Variants in AKT1 observed in about 807,000 individuals in gnomAD.
AKT1 encodes the protein RAC-alpha serine/threonine-protein kinase.
A neutral mutation model predicts 63.1 loss-of-function variants in AKT1; 21 were observed. That is an observed-to-expected ratio of 0.33 (90% CI 0.24 to 0.48). The LOEUF (loss-of-function observed/expected upper bound fraction) is 0.48, where lower values mean the gene tolerates loss of function less well. Among genes scored for constraint, AKT1 ranks in the 20% least tolerant of loss-of-function variants. The probability of loss-of-function intolerance (pLI) is 0.99; values close to 1 mark genes in which losing one functional copy is unlikely to be tolerated. For missense variants in AKT1, 382 were observed against 666.0 expected (o/e 0.57, Z 4.69); for synonymous variants, 257 against 253.1 (o/e 1.02, Z -0.15).
Position 104,770,326 on chromosome 14 carries a change from C to T in AKT1, c.*15G>A. The T allele has an allele frequency of 1.2e-6, 2 of 1,605,410 alleles. No homozygotes were observed. Among genetic ancestry groups the T allele is most frequent in the Non-Finnish European group, 8.5e-7 (1 of 1,177,820 alleles). ...CATCCCTCCAAGCTATCGTCCAGCG[C>T]AGTCCACCGCCGCCTCAGGCCGTGC... On this transcript the variant is annotated 3_prime_UTR_variant, in exon 15 of 15. Coordinates refer to ENST00000649815, the MANE Select transcript of AKT1 (RefSeq NM_001382430.1).
At chr14:104,772,158 G>A in intron 13 of AKT1, 1 of 613,218 alleles carries the variant, frequency 1.6e-6, no homozygotes, top group South Asian at 1.9e-5. Context: ...GACCAGGCCA[G>A]TTTCCTGGTG....
intron 3 of AKT1, among the ~76,000 whole-genome samples, chr14:104,782,974 G>A (rs141066976): frequency 5.3e-5 from 8 of 152,284 alleles, no homozygotes; most frequent in Non-Finnish European, 1.0e-4. Flanking sequence ...GGCCAGCCCC[G>A]ACAGCAGATG....
chr14:104,791,068 T>C (rs1177232721), intron 3 of AKT1, among the ~76,000 whole-genome samples: 1 of 152,164 alleles, frequency 6.6e-6, no homozygotes, highest in African/African-American at 2.4e-5. Context: ...CACTCCTGCC[T>C]AGGCCCAGCT....
chr14:104,773,428 T>C (rs1892511568), intron 10 of AKT1, 27 bp downstream of exon 10: 7 of 1,613,870 alleles, frequency 4.3e-6, no homozygotes, highest in South Asian at 1.1e-5. Flanking sequence ...CCCAGGGCCC[T>C]GCCCCCCTGC....
At chr14:104,775,253 C>A (rs1385558523) in intron 6 of AKT1, 46 bp from the exon 7 acceptor site, 2 of 1,608,398 alleles carry the variant, frequency 1.2e-6, no homozygotes, top group Non-Finnish European at 1.7e-6. Flanking sequence ...CCAACAGTGC[C>A]CAGCTGGTCG....
chr14:104,792,411 G>A (rs1193624391), intron 3 of AKT1, among the ~76,000 whole-genome samples, 187 bp downstream of exon 3: 2 of 152,088 alleles, frequency 1.3e-5, no homozygotes, highest in South Asian at 2.1e-4. Flanking sequence ...CATCCTCCTG[G>A]CCTCCCCGAG....
chr14:104,780,279 C>T (rs1209805910), intron 3 of AKT1, 63 bp from the exon 4 acceptor site: 24 of 1,586,788 alleles, frequency 1.5e-5, no homozygotes, highest in Non-Finnish European at 1.7e-5. Flanking sequence ...GCCAGGCAGC[C>T]AGGCAGGAAC....
chr14:104,773,786 C>T, intron 9 of AKT1, 126 bp downstream of exon 9: 1 of 1,213,080 alleles, frequency 8.2e-7, no homozygotes, highest in Non-Finnish European at 1.2e-6. Context: ...GCAGGCATCA[C>T]ACCACCCACC....
rs1208265801 is a variant in AKT1 at position 104,769,600 on chromosome 14, G to A, written c.*741C>T. Reference sequence around the variant, plus strand: ...CCGTGGAGAGATCATCTGAGGGGGAGGCTCCCGGTGGGACAGTCACCAAGA... The same window carrying A: ...CCGTGGAGAGATCATCTGAGGGGGAAGCTCCCGGTGGGACAGTCACCAAGA... On this transcript the variant is annotated 3_prime_UTR_variant, in exon 15 of 15. Transcript: ENST00000649815. The A allele has an allele frequency of 7.5e-6, 4 of 530,250 alleles. No individual in the cohort carries two copies. The highest frequency in any genetic ancestry group is 5.6e-5 in the African/African-American group (3 of 53,348). The allele number at this position is 530,250 out of a possible 1,614,324, so 32.8% of individuals were successfully genotyped here. A position where few individuals can be genotyped will look rare whatever the true frequency, so the allele number is the denominator to read the frequency against.
chr14:104,775,726 G>A lies in AKT1; in HGVS notation c.361C>T (p.Arg121Trp), dbSNP rs369198922. 8.7e-6 allele frequency: 14 copies of A among 1,613,944 alleles called. No individual in the cohort carries two copies. The highest frequency in any genetic ancestry group is 6.7e-5 in the East Asian group (3 of 44,886). Residue 121 changes from arginine to tryptophan, a missense_variant, in exon 6 of 15, where the codon CGG becomes TGG. Arg to Trp is a moderately radical substitution (Grantham distance 101). Transcript: ENST00000649815. ...GAGTTGTCACTGGGTGAGCCCGACC[G>A]GAAGTCCATCTCCTCCTCCTCCTGC... ...KKQEEEEMDF[R>W]SGSPSDNSGA...
chr14:104,786,537 G>C (rs897490940), intron 3 of AKT1, among the ~76,000 whole-genome samples: 1 of 152,180 alleles, frequency 6.6e-6, no homozygotes, highest in Non-Finnish European at 1.5e-5. Context: ...CTCAATCCCT[G>C]ACACCCCAGG....
chr14:104,772,958 C>T lies in AKT1; in HGVS notation c.1092G>A (p.Glu364=), dbSNP rs773975370. The T allele has an allele frequency of 1.9e-6, 3 of 1,614,032 alleles. No individual in the cohort carries two copies. Among genetic ancestry groups the T allele is most frequent in the Non-Finnish European group, 1.7e-6 (2 of 1,180,032 alleles). The change falls in exon 12 of 15, where the codon GAG becomes GAA. Residue 364 remains glutamate (E), a synonymous_variant. Transcript: ENST00000649815. ...HEKLFELILM[E]EIRFPRTLGP... ...CAAGCGTGCGCGGGAAGCGGATCTC[C>T]TCCATGAGGATGAGCTCAAAAAGCT...
chr14:104,785,201 C>A (rs1372141059), intron 3 of AKT1, among the ~76,000 whole-genome samples: 1 of 152,168 alleles, frequency 6.6e-6, no homozygotes, highest in Non-Finnish European at 1.5e-5. Flanking sequence ...GAGGGGCCCG[C>A]AACCCACCCT....
Position 104,769,790 on chromosome 14 carries a change from G to T in AKT1, c.*551C>A. The T allele has an allele frequency of 2.6e-6, 1 of 386,280 alleles. No individual in the cohort carries two copies. The highest frequency in any genetic ancestry group is 2.4e-5 in the South Asian group (1 of 41,604). 23.9% of individuals were successfully genotyped at this position (386,280 alleles called of 1,614,324 possible). ...CCCCATCCCTGGTCCCATCCCAGGG[G>T]CCCAGCCTCCGATGACGTCCTCAGA... On this transcript the variant is annotated 3_prime_UTR_variant, in exon 15 of 15. Transcript: ENST00000649815.
chr14:104,774,801 C>A, intron 8 of AKT1, 137 bp downstream of exon 8: 3 of 962,100 alleles, frequency 3.1e-6, no homozygotes, highest in East Asian at 2.6e-5. Flanking sequence ...CCAGGGCAGG[C>A]CTGTCTCACC....
At chr14:104,780,331 A>G (rs1004006561) in intron 3 of AKT1, 115 bp from the exon 4 acceptor site, 13 of 1,415,152 alleles carry the variant, frequency 9.2e-6, no homozygotes, top group Non-Finnish European at 1.2e-5. Flanking sequence ...CCTGAGTCCC[A>G]GGGGGCAGGC....
intron 8 of AKT1, chr14:104,774,450 G>A (rs1387004781): frequency 4.5e-6 from 1 of 221,500 alleles, no homozygotes; most frequent in East Asian, 1.1e-4. Flanking sequence ...CCACCCTCCC[G>A]CCTTCCACCA....
At chr14:104,792,838 T>G (rs374188865) in intron 2 of AKT1, 116 bp from the exon 3 acceptor site, 1 of 650,518 alleles carries the variant, frequency 1.5e-6, no homozygotes. Flanking sequence ...GCACCTGCCT[T>G]CCCAGGTGGG....
intron 3 of AKT1, among the ~76,000 whole-genome samples, chr14:104,784,408 G>A (rs558612575): frequency 3.3e-5 from 5 of 152,066 alleles, no homozygotes; most frequent in Admixed American, 6.5e-5. Flanking sequence ...TGCCCGGGGG[G>A]ACAGCGGAGA....
Sources: gnomAD v4.1 joint callset for allele counts (sites outside exome capture counted in the v4.1 genomes callset) on GRCh38, gnomAD v4.1.1 for gene constraint, MANE v1.5 for transcripts, NCBI Gene and HGNC (gene_info 2026-07-23, HGNC 2026-07-21) for gene names.